PTK2B: variants seen among roughly 807,000 people sequenced by gnomAD.
PTK2B encodes protein-tyrosine kinase 2-beta.
Under a neutral mutation model 142.9 loss-of-function variants are expected in PTK2B, and 71 were observed. The ratio of observed to expected loss-of-function variants is 0.50; its 90% CI spans 0.41 to 0.61. The LOEUF is 0.61. Among genes scored for constraint, PTK2B ranks in the 20% least tolerant of loss-of-function variants. The pLI is 0.00. For missense variants in PTK2B, 1,105 were observed against 1,320.4 expected, an observed-to-expected ratio of 0.84 and a Z score of 2.53; for synonymous variants, 519 against 503.4, an observed-to-expected ratio of 1.03 and a Z score of -0.42.
chr8:27,421,161 T>A (rs1183476355), intron 4 of PTK2B, among the ~76,000 whole-genome samples: 1 of 152,236 alleles, frequency 6.6e-6, no homozygotes, highest in Admixed American at 6.5e-5. Context: ...GCTGTAAAAT[T>A]ATTATGGGAA....
chr8:27,376,519 G>C (rs190027105), intron 1 of PTK2B, among the ~76,000 whole-genome samples: 1 of 152,206 alleles, frequency 6.6e-6, no homozygotes, highest in Non-Finnish European at 1.5e-5. Flanking sequence ...GAGACCTATT[G>C]TGTTGCATTC....
Position 27,458,813 on chromosome 8 carries a change from G to A in PTK2B, c.*304G>A, listed in dbSNP as rs1477757324. 6.3e-6 allele frequency: 3 copies of A among 477,252 alleles called. No individual in the cohort carries two copies. Among genetic ancestry groups the A allele is most frequent in the Non-Finnish European group, 1.1e-5 (3 of 262,070 alleles). The allele number at this position is 477,252 out of a possible 1,614,324, so 29.6% of individuals were successfully genotyped here. ...TGGTCCATGCAGGGGGCTCCTGGGG[G>A]TGGGGAGGTGTCACATGGTGCCCCT... On this transcript the variant is annotated 3_prime_UTR_variant, in exon 31 of 31. Transcript: ENST00000346049.
Position 27,430,364 on chromosome 8 carries a change from A to T in PTK2B, c.615A>T (p.Glu205Asp). The change falls in exon 7 of 31, where the codon GAA becomes GAT. Residue 205 changes from glutamate to aspartate, a missense_variant and splice_region_variant. Glu to Asp is a conservative substitution (Grantham distance 45, BLOSUM62 2). Transcript: ENST00000346049. ...GCTGCCTTTTTCTTCCTTCTTGCAG[A>T]AAGGAAGTGGGGCTGGACTTGTTTT... ...LDKKSNFELLEKEVGLDLFFP... is the reference protein window; with the variant it reads ...LDKKSNFELLDKEVGLDLFFP... The T allele has an allele frequency of 6.2e-7, 1 of 1,614,044 alleles. No individual in the cohort carries two copies. Among genetic ancestry groups the T allele is most frequent in the Non-Finnish European group, 8.5e-7 (1 of 1,180,034 alleles).
intron 1 of PTK2B, among the ~76,000 whole-genome samples, chr8:27,364,473 A>G (rs1805901171): frequency 6.6e-6 from 1 of 152,262 alleles, no homozygotes; most frequent in African/African-American, 2.4e-5. Context: ...AGCAGCCGTG[A>G]AGAAAAGCTT....
chr8:27,338,461 A>AGTCC (rs887200486), intron 1 of PTK2B, among the ~76,000 whole-genome samples: 4 of 152,176 alleles, frequency 2.6e-5, no homozygotes, highest in African/African-American at 9.7e-5. Context: ...CAGTGGTGTG[A>AGTCC]GTCCATCAAA....
intron 2 of PTK2B, among the ~76,000 whole-genome samples, chr8:27,404,436 C>T (rs889425979): frequency 2.0e-5 from 3 of 152,194 alleles, no homozygotes; most frequent in South Asian, 2.1e-4. Context: ...TGAAGCATCA[C>T]CCCACTCAGA....
intron 4 of PTK2B, among the ~76,000 whole-genome samples, chr8:27,421,278 CTATT>C (rs59319424): frequency 0.38 from 56,325 of 146,562 alleles, 11,035 homozygotes; most frequent in Non-Finnish European, 0.41. Flanking sequence ...TAGCACTTAC[CTATT>C]TATTTATTTA....
chr8:27,340,772 G>A (rs1563202069), intron 1 of PTK2B, among the ~76,000 whole-genome samples: 1 of 152,234 alleles, frequency 6.6e-6, no homozygotes, highest in Admixed American at 6.5e-5. Context: ...GGAGGTGCCA[G>A]CCCTCCAGGG....
chr8:27,413,587 C>T (rs917227858), intron 2 of PTK2B, among the ~76,000 whole-genome samples: 1 of 152,222 alleles, frequency 6.6e-6, no homozygotes, highest in African/African-American at 2.4e-5. Flanking sequence ...AAGATCTCAG[C>T]AACCTTGCTG....
intron 3 of PTK2B, among the ~76,000 whole-genome samples, chr8:27,314,588 C>T (rs1803054329): frequency 6.6e-6 from 1 of 152,256 alleles, no homozygotes; most frequent in African/African-American, 2.4e-5. Context: ...ACTTCATCCT[C>T]TCCATTTACA....
At chr8:27,378,633 GTGT>G in intron 1 of PTK2B, among the ~76,000 whole-genome samples, 1 of 143,172 alleles carries the variant, frequency 7.0e-6, no homozygotes, top group Non-Finnish European at 1.5e-5. Context: ...GTGTGTGTGT[GTGT>G]GTGTGTGTGT....
chr8:27,311,151 G>A, upstream of PTK2B: 2 of 1,606,606 alleles, frequency 1.2e-6, no homozygotes, highest in Non-Finnish European at 8.5e-7. Flanking sequence ...ACTGCGTCGC[G>A]GAAGGGGTCG....
intron 2 of PTK2B, among the ~76,000 whole-genome samples, chr8:27,402,578 C>T (rs915600803): frequency 1.3e-5 from 2 of 152,186 alleles, no homozygotes; most frequent in Non-Finnish European, 2.9e-5. Context: ...TTGTTGGATC[C>T]TTCCATGTGC....
rs148359194 is a variant in PTK2B, at chr8:27,371,545, T to TTATATA, written c.-37-25991_-37-25986dup. 7.2e-3 allele frequency among the ~76,000 whole-genome samples: 1,061 copies of TTATATA among 147,462 alleles called. 11 individuals are homozygous for TTATATA. Among genetic ancestry groups the TTATATA allele is most frequent in the African/African-American group, 0.012 (494 of 40,122 alleles). ...TATAAACAGAATCTATTTTTATTAT[T>TTATATA]TATATATATATATATATTTTGAGAC... On this transcript the variant is annotated intron_variant, in intron 1 of 30. Coordinates refer to ENST00000346049, the MANE Select transcript of PTK2B (RefSeq NM_173176.3).
At chr8:27,421,411 T>C (rs1809744542) in intron 4 of PTK2B, among the ~76,000 whole-genome samples, 1 of 152,122 alleles carries the variant, frequency 6.6e-6, no homozygotes, top group African/African-American at 2.4e-5. Context: ...GGTGCACCCA[T>C]CACCCAAGCA....
At position 27,454,514 on chromosome 8, in the gene PTK2B, C is replaced by G. The variant is rs757760743; in HGVS notation, c.2734-17C>G. 9.3e-6 allele frequency: 15 copies of G among 1,612,440 alleles called. No individual in the cohort carries two copies. The Admixed American group carries it at 1.0e-4, about 11-fold the overall frequency. On this transcript the variant is annotated splice_polypyrimidine_tract_variant and intron_variant, in intron 29 of 30. Transcript: ENST00000346049. ...ATAGCTAGGAGTGGCGGCCATCCTG[C>G]CCCTTTCTCCCCCCAGAATGTGGGG...
chr8:27,366,080 T>C (rs1331784836), intron 1 of PTK2B, among the ~76,000 whole-genome samples: 1 of 152,204 alleles, frequency 6.6e-6, no homozygotes, highest in Non-Finnish European at 1.5e-5. Context: ...AGCTTCCTTG[T>C]CAAATAGGAG....
At chr8:27,415,608 T>C (rs1235333852) in intron 2 of PTK2B, among the ~76,000 whole-genome samples, 1 of 152,146 alleles carries the variant, frequency 6.6e-6, no homozygotes, top group Non-Finnish European at 1.5e-5. Context: ...TTTGTGGCTT[T>C]TTGCCTGAGA....
At chr8:27,369,412 A>G (rs1242725555) in intron 1 of PTK2B, among the ~76,000 whole-genome samples, 2 of 152,324 alleles carry the variant, frequency 1.3e-5, no homozygotes, top group East Asian at 1.9e-4. Flanking sequence ...ACTCACGCCT[A>G]TAATTCCAGC....
Sources: gnomAD v4.1 joint callset for allele counts (sites outside exome capture counted in the v4.1 genomes callset) on GRCh38, gnomAD v4.1.1 for gene constraint, MANE v1.5 for transcripts, NCBI Gene and HGNC (gene_info 2026-07-23, HGNC 2026-07-21) for gene names.